Variants in TNNI3K observed in about 807,000 individuals in gnomAD.
The protein encoded by TNNI3K is TNNI3 interacting kinase.
TNNI3K carries 140 observed loss-of-function variants against 114.5 expected under a neutral mutation model. That is an observed-to-expected ratio of 1.22 (90% CI 1.07 to 1.41). TNNI3K has a LOEUF of 1.41. TNNI3K is among the 40% of genes most tolerant of loss of function. TNNI3K has a pLI of 0.00. For synonymous variants in TNNI3K, 347 were observed against 347.5 expected, an observed-to-expected ratio of 1.00 and a Z score of 0.02; for missense variants, 1,125 against 1,007.6, an observed-to-expected ratio of 1.12 and a Z score of -1.58.
intron 20 of TNNI3K, among the ~76,000 whole-genome samples, chr1:74,442,132 C>T (rs1014132530): frequency 6.6e-6 from 1 of 150,894 alleles, no homozygotes; most frequent in South Asian, 2.1e-4. Context: ...TTTAAAGTAC[C>T]CAGTTTGGGT....
chr1:74,496,464 T>G (rs919355492), intron 23 of TNNI3K, among the ~76,000 whole-genome samples: 1 of 152,192 alleles, frequency 6.6e-6, no homozygotes, highest in East Asian at 1.9e-4. Flanking sequence ...TCCCTACTAA[T>G]GTATGGATGT....
chr1:74,532,064 G>A (rs929546179), intron 23 of TNNI3K, among the ~76,000 whole-genome samples: 1 of 152,106 alleles, frequency 6.6e-6, no homozygotes, highest in Non-Finnish European at 1.5e-5. Context: ...TAACCTAATG[G>A]TTTTCTGCTC....
At chr1:74,240,264 C>G (rs1654106900) in intron 2 of TNNI3K, 1 of 185,120 alleles carries the variant, frequency 5.4e-6, no homozygotes, top group South Asian at 1.2e-4. Flanking sequence ...TTCTACGTAT[C>G]TTTTTGTGCA....
intron 5 of TNNI3K, among the ~76,000 whole-genome samples, chr1:74,281,192 A>G (rs1375002643): frequency 2.0e-5 from 3 of 152,116 alleles, no homozygotes; most frequent in Non-Finnish European, 4.4e-5. Context: ...AATAGTCACC[A>G]CAGGCTTTGG....
intron 20 of TNNI3K, among the ~76,000 whole-genome samples, chr1:74,444,724 C>A (rs1666551307): frequency 6.6e-6 from 1 of 151,434 alleles, no homozygotes; most frequent in African/African-American, 2.4e-5. Flanking sequence ...ATAGCCAAGA[C>A]AATCCTAAGC....
At chr1:74,372,934 A>G (rs1194192124) in intron 17 of TNNI3K, 1 of 151,912 alleles carries the variant, frequency 6.6e-6, no homozygotes, top group East Asian at 1.9e-4. Context: ...ATTGCATCAA[A>G]AAGTTTTTAA....
At chr1:74,470,003 C>G in intron 21 of TNNI3K, 1 of 400,700 alleles carries the variant, frequency 2.5e-6, no homozygotes, top group Non-Finnish European at 4.4e-6. Flanking sequence ...TTTTCTGCCT[C>G]AAAACTGTCT....
chr1:74,432,161 C>T (rs1392851698), intron 17 of TNNI3K, among the ~76,000 whole-genome samples: 1 of 152,012 alleles, frequency 6.6e-6, no homozygotes, highest in Non-Finnish European at 1.5e-5. Flanking sequence ...AACCATTTTC[C>T]TTGACCTCAA....
At chr1:74,297,510 A>AGT (rs1163611745) in intron 5 of TNNI3K, among the ~76,000 whole-genome samples, 9 of 101,164 alleles carry the variant, frequency 8.9e-5, no homozygotes, top group South Asian at 3.8e-4. Context: ...CATCTTGTCC[A>AGT]GTGTGTGTGT....
At chr1:74,438,090 G>T (rs1403517960) in intron 19 of TNNI3K, among the ~76,000 whole-genome samples, 1 of 151,324 alleles carries the variant, frequency 6.6e-6, no homozygotes, top group African/African-American at 2.4e-5. Flanking sequence ...AGACTATGCT[G>T]CTAGAATAAG....
chr1:74,353,317 G>C lies in TNNI3K; in HGVS notation c.984G>C (p.Gln328His). The change falls in exon 10 of 25, where the codon CAG (glutamine) becomes CAC (histidine). Residue 328 changes from glutamine (Q) to histidine (H), a missense_variant. Coordinates refer to ENST00000326637, the MANE Select transcript of TNNI3K (RefSeq NM_015978.3). ...SIDLVKFLLD[Q>H]NVININHQGR... ...ACCTAGTCAAATTTCTTCTTGATCA[G>C]AATGTCATAAACATCAACCACCAAG... The C allele has an allele frequency of 2.5e-6, 4 of 1,613,742 alleles. No individual in the cohort carries two copies. Among genetic ancestry groups the C allele is most frequent in the Non-Finnish European group, 3.4e-6 (4 of 1,179,928 alleles).
At chr1:74,380,597 G>A (rs1663153526) in intron 17 of TNNI3K, among the ~76,000 whole-genome samples, 1 of 152,136 alleles carries the variant, frequency 6.6e-6, no homozygotes, top group South Asian at 2.1e-4. Context: ...ATTTTCTGGT[G>A]TTACTGGTTT....
chr1:74,433,777 C>T (rs1666000760), intron 17 of TNNI3K, among the ~76,000 whole-genome samples: 1 of 152,028 alleles, frequency 6.6e-6, no homozygotes, highest in African/African-American at 2.4e-5. Context: ...TCTTGCCAAG[C>T]ATAACTCTGA....
At chr1:74,401,365 A>G (rs1664355599) in intron 17 of TNNI3K, among the ~76,000 whole-genome samples, 1 of 152,304 alleles carries the variant, frequency 6.6e-6, no homozygotes, top group African/African-American at 2.4e-5. Context: ...ATTGGTTTCA[A>G]TACTTTACTG....
At chr1:74,516,362 A>C (rs534040828) in intron 23 of TNNI3K, among the ~76,000 whole-genome samples, 6 of 152,330 alleles carry the variant, frequency 3.9e-5, no homozygotes, top group Middle Eastern at 3.4e-3. Context: ...AATAAAGGAA[A>C]AATAAGACAT....
intron 9 of TNNI3K, among the ~76,000 whole-genome samples, chr1:74,351,065 T>A (rs1460516189): frequency 6.6e-6 from 1 of 151,658 alleles, no homozygotes; most frequent in African/African-American, 2.4e-5. Flanking sequence ...CTAGCCTTGA[T>A]GGTCTTTACA....
chr1:74,385,933 T>C (rs1189760132), intron 17 of TNNI3K, among the ~76,000 whole-genome samples: 1 of 152,252 alleles, frequency 6.6e-6, no homozygotes, highest in Non-Finnish European at 1.5e-5. Context: ...AAATCTCATC[T>C]TGAATTATAG....
chr1:74,318,176 A>G (rs937457415), intron 5 of TNNI3K, among the ~76,000 whole-genome samples: 1 of 152,204 alleles, frequency 6.6e-6, no homozygotes, highest in Admixed American at 6.5e-5. Flanking sequence ...CATTTGTTGA[A>G]AATTAATGCT....
intron 5 of TNNI3K, among the ~76,000 whole-genome samples, chr1:74,276,767 G>A (rs978756734): frequency 2.0e-5 from 3 of 152,086 alleles, no homozygotes; most frequent in Non-Finnish European, 2.9e-5. Flanking sequence ...AAGTGTGTTT[G>A]TCCTCCCATA....
Sources: gnomAD v4.1 joint callset for allele counts (sites outside exome capture counted in the v4.1 genomes callset) on GRCh38, gnomAD v4.1.1 for gene constraint, MANE v1.5 for transcripts, NCBI Gene and HGNC (gene_info 2026-07-23, HGNC 2026-07-21) for gene names.